Variants in TUBA4A observed in about 807,000 individuals in gnomAD.
TUBA4A encodes the protein tubulin alpha-4A chain.
A neutral mutation model predicts 34.3 loss-of-function variants in TUBA4A; 23 were observed. The ratio of observed to expected loss-of-function variants is 0.67; its 90% CI spans 0.48 to 0.95. TUBA4A has a LOEUF of 0.95. Among genes scored for constraint, TUBA4A ranks in the 40% least tolerant of loss-of-function variants. The probability of loss-of-function intolerance (pLI) is 0.00; values close to 1 mark genes in which losing one functional copy is unlikely to be tolerated. For missense variants in TUBA4A, 279 were observed against 599.0 expected, an observed-to-expected ratio of 0.47 and a Z score of 5.58; for synonymous variants, 216 against 230.5, an observed-to-expected ratio of 0.94 and a Z score of 0.57.
At chr2:219,253,352 C>G in intron 1 of TUBA4A, 4 of 1,524,652 alleles carry the variant, frequency 2.6e-6, no homozygotes, top group East Asian at 2.5e-5. Flanking sequence ...GGTGCTGAGT[C>G]ACGGGGGGGG....
At position 219,250,394 on chromosome 2, in the gene TUBA4A, C is replaced by T. The variant is rs1574883437; in HGVS notation, c.1305G>A (p.Val435=). The change falls in exon 4 of 4, where the codon GTG becomes GTA. Residue 435 remains valine, a synonymous_variant. Coordinates refer to ENST00000248437, the MANE Select transcript of TUBA4A (RefSeq NM_006000.3). This position sits in a 1 kb window ranked among gnomAD's most constrained non-coding sequence, Gnocchi z 8.4. The part of the protein sequence containing the change: ...MAALEKDYEE[V]GIDSYEDEDE... ...CCTCGTCCTCATAGGAGTCGATGCC[C>T]ACCTCCTCATAATCCTTCTCCAGGG... 3 of 1,613,946 alleles carry T rather than the reference C, an allele frequency of 1.9e-6. No homozygotes were observed. Among genetic ancestry groups the T allele is most frequent in the Non-Finnish European group, 2.5e-6 (3 of 1,179,934 alleles).
chr2:219,253,307 C>T (rs980650515), intron 1 of TUBA4A: 101 of 1,521,656 alleles, frequency 6.6e-5, no homozygotes, highest in Non-Finnish European at 8.5e-5. Flanking sequence ...GGAGGCCGAA[C>T]CCCGTTCCCA....
chr2:219,251,155 C>T lies in TUBA4A; in HGVS notation c.544G>A (p.Val182Ile), dbSNP rs1262823148. The T allele has an allele frequency of 6.2e-7, 1 of 1,614,002 alleles. No homozygotes were observed. Among genetic ancestry groups the T allele is most frequent in the African/African-American group, 1.3e-5 (1 of 74,892 alleles). ...YPAPQVSTAV[V>I]EPYNSILTTH... is the part of the protein sequence containing the mutation. ...GTCAGGATAGAGTTGTAGGGCTCGA[C>T]CACGGCTGTAGACACCTGGGGGGCT... The change falls in exon 4 of 4, where the codon GTC becomes ATC. Residue 182 changes from valine (V) to isoleucine (I), a missense_variant. By Grantham distance (29) the Val-to-Ile change is conservative. Coordinates refer to ENST00000248437, the MANE Select transcript of TUBA4A (RefSeq NM_006000.3). The surrounding 1 kb of genome is among the most constrained non-coding windows in gnomAD (Gnocchi z 6.1).
chr2:219,253,207 A>G (rs919233299), intron 1 of TUBA4A: 25 of 1,492,204 alleles, frequency 1.7e-5, no homozygotes, highest in African/African-American at 4.3e-5. Context: ...CCTCCCCCCA[A>G]CCTGGCCTCG....
In TUBA4A at chr2:219,253,748, G is replaced by A. The variant is rs886405630; in HGVS notation, c.3+108C>T. 1.1e-5 allele frequency: 15 copies of A among 1,367,416 alleles called. No homozygotes were observed. The Admixed American group carries it at 1.9e-4, about 17-fold the overall frequency. 84.7% of individuals were successfully genotyped at this position (1,367,416 alleles called of 1,614,324 possible). On this transcript the variant is annotated intron_variant, in intron 1 of 3. Transcript: ENST00000248437. ...GGATGCAAAACCCTCGCACCTCCTG[G>A]AGACCCGGAACGCCCGGTGGAGGTC...
chr2:219,253,343 G>T (rs1458897385), intron 1 of TUBA4A: 2 of 1,533,304 alleles, frequency 1.3e-6, no homozygotes, highest in African/African-American at 1.4e-5. Flanking sequence ...CAGACGCGGG[G>T]TGCTGAGTCA....
chr2:219,254,281 G>A (rs955203066), upstream of TUBA4A: 2 of 164,870 alleles, frequency 1.2e-5, no homozygotes, highest in African/African-American at 4.8e-5. Context: ...GGGAGCAGGC[G>A]AGGCGGTCCT....
chr2:219,253,594 G>A (rs1042130099), intron 1 of TUBA4A, among the ~76,000 whole-genome samples: 5 of 152,158 alleles, frequency 3.3e-5, no homozygotes, highest in African/African-American at 1.2e-4. Context: ...TCGTAAGGCA[G>A]GAGCAGAGTG....
At chr2:219,254,000 G>C (rs1404868119), upstream of TUBA4A, 7 of 851,410 alleles carry the variant, frequency 8.2e-6, no homozygotes, top group Admixed American at 1.9e-4. Flanking sequence ...GAGGCTGGGC[G>C]GCCCGCAGGC....
In TUBA4A at chr2:219,251,830, G is replaced by A. The variant is rs1228268907; in HGVS notation, c.227-117C>T. The A allele has an allele frequency of 6.3e-6, 9 of 1,439,552 alleles. No homozygotes were observed. The highest frequency in any genetic ancestry group is 6.6e-6 in the Non-Finnish European group (7 of 1,066,476). The allele number at this position is 1,439,552 out of a possible 1,614,324, so 89.2% of individuals were successfully genotyped here. A position where few individuals can be genotyped will look rare whatever the true frequency, so the allele number is the denominator to read the frequency against. Reference sequence around the variant, plus strand: ...TCCTGCCAGCCTGAGATACCAGAGTGTGAGAGAAACCCAGACCAGCTGCCC... The same window carrying A: ...TCCTGCCAGCCTGAGATACCAGAGTATGAGAGAAACCCAGACCAGCTGCCC... On this transcript the variant is annotated intron_variant, in intron 2 of 3. Transcript: ENST00000248437. This position sits in a 1 kb window ranked among gnomAD's most constrained non-coding sequence, Gnocchi z 6.1.
At chr2:219,253,177 C>T in intron 1 of TUBA4A, 2 of 1,514,296 alleles carry the variant, frequency 1.3e-6, no homozygotes. Context: ...AAATACCACC[C>T]CCTACATGCA....
In TUBA4A at chr2:219,251,272, C is replaced by G. The variant is rs770376188; in HGVS notation, c.427G>C (p.Gly143Arg). 1 of 1,613,892 alleles carries G rather than the reference C, an allele frequency of 6.2e-7. No individual in the cohort carries two copies. The highest frequency in any genetic ancestry group is 8.5e-7 in the Non-Finnish European group (1 of 1,179,864). The change falls in exon 4 of 4, where the codon GGG becomes CGG. Residue 143 changes from glycine to arginine, a missense_variant. Gly to Arg is a moderately radical substitution (Grantham distance 125, BLOSUM62 -2). Around this residue, in one of 3 missense-constraint regions of TUBA4A, gnomAD observed 108 missense variants for 299.9 expected, o/e 0.36. Coordinates refer to ENST00000248437, the MANE Select transcript of TUBA4A (RefSeq NM_006000.3). The surrounding 1 kb of genome is among the most constrained non-coding windows in gnomAD (Gnocchi z 6.1). ...QGFLVFHSFG[G>R]GTGSGFTSLL... ...GAGGTGAAGCCAGAGCCAGTGCCCC[C>G]ACCAAAGCTGTGGAACACCAGGAAG... is the stretch of plus-strand genomic sequence containing the variant.
Position 219,251,763 on chromosome 2 carries a change from C to A in TUBA4A, c.227-50G>T. Reference sequence around the variant, plus strand: ...TATGCTCAGCAGGGACCTTCCTCCCCCAGGGTGGTAGCTGTGGCCAGATGC... The same window carrying A: ...TATGCTCAGCAGGGACCTTCCTCCCACAGGGTGGTAGCTGTGGCCAGATGC... On this transcript the variant is annotated intron_variant, in intron 2 of 3. Coordinates refer to ENST00000248437, the MANE Select transcript of TUBA4A (RefSeq NM_006000.3). The surrounding 1 kb of genome is among the most constrained non-coding windows in gnomAD (Gnocchi z 6.1). 6.3e-7 allele frequency: 1 copy of A among 1,581,240 alleles called. No homozygotes were observed. Among genetic ancestry groups the A allele is most frequent in the African/African-American group, 1.3e-5 (1 of 74,442 alleles).
rs1307591760 is a variant in TUBA4A at position 219,252,016 on chromosome 2, G to A, written c.218C>T (p.Thr73Met). ...TCCCCACTTCCTCTCACCAATGACC[G>A]TAGGCTCCAGATCCACAAAAACTGC... ...PRAVFVDLEP[T>M]VIDEIRNGPY... Residue 73 changes from threonine (T) to methionine (M), a missense_variant, in exon 2 of 4, where the codon ACG (threonine) becomes ATG (methionine). Physicochemically the swap from Thr to Met is moderately conservative, Grantham distance 81 (BLOSUM62 -1). Around this residue, in one of 3 missense-constraint regions of TUBA4A, gnomAD observed 98 missense variants for 171.1 expected, o/e 0.57. Transcript: ENST00000248437. The surrounding 1 kb of genome is among the most constrained non-coding windows in gnomAD (Gnocchi z 4.1). 5 of 1,614,054 alleles carry A rather than the reference G, an allele frequency of 3.1e-6. No homozygotes were observed. The highest frequency in any genetic ancestry group is 4.2e-6 in the Non-Finnish European group (5 of 1,179,968).
rs1951657599 is a variant in TUBA4A at position 219,252,072 on chromosome 2, A to G, written c.162T>C (p.Cys54=). The G allele has an allele frequency of 6.2e-7, 1 of 1,613,956 alleles. No homozygotes were observed. Among genetic ancestry groups the G allele is most frequent in the Admixed American group, 1.7e-5 (1 of 59,994 alleles). The part of the protein sequence containing the change: ...GGDDSFTTFF[C]ETGAGKHVPR... The stretch of plus-strand genomic sequence containing the variant: ...GTACGTGTTTTCCAGCACCAGTTTC[A>G]CAGAAGAAGGTGGTGAAGGAGTCGT... The change falls in exon 2 of 4, where the codon TGT becomes TGC. Residue 54 remains cysteine (C), a synonymous_variant. Coordinates refer to ENST00000248437, the MANE Select transcript of TUBA4A (RefSeq NM_006000.3). The surrounding 1 kb of genome is among the most constrained non-coding windows in gnomAD (Gnocchi z 4.1).
At position 219,252,681 on chromosome 2, in the gene TUBA4A, T is replaced by C. The variant is rs564072888; in HGVS notation, c.4-451A>G. On this transcript the variant is annotated intron_variant, in intron 1 of 3. Transcript: ENST00000248437. The surrounding 1 kb of genome is among the most constrained non-coding windows in gnomAD (Gnocchi z 4.1). Reference sequence around the variant, plus strand: ...ATCAACTGACCACACGCCATCAGGATGCCCTCCTCCCTCACCTTTAAATCC... The same window carrying C: ...ATCAACTGACCACACGCCATCAGGACGCCCTCCTCCCTCACCTTTAAATCC... 69 of 438,582 alleles carry C rather than the reference T, an allele frequency of 1.6e-4. No individual in the cohort carries two copies. The highest frequency in any genetic ancestry group is 2.5e-4 in the Non-Finnish European group (52 of 205,476). 27.2% of individuals were successfully genotyped at this position (438,582 alleles called of 1,614,324 possible).
In TUBA4A at chr2:219,250,574, C is replaced by G; in HGVS notation, c.1125G>C (p.Val375=). ...TGGCGGTCGTGTTGCTCAGCATGCA[C>G]ACGGCACGCTGCACCTTGGCCAGGT... is the stretch of plus-strand genomic sequence containing the variant. ...GGDLAKVQRA[V]CMLSNTTAIA... is the part of the protein sequence containing the mutation. Residue 375 remains valine, a synonymous_variant, in exon 4 of 4, where the codon GTG becomes GTC. Transcript: ENST00000248437. The surrounding 1 kb of genome is among the most constrained non-coding windows in gnomAD (Gnocchi z 8.4). 6.2e-7 allele frequency: 1 copy of G among 1,614,232 alleles called. No individual in the cohort carries two copies. The highest frequency in any genetic ancestry group is 8.5e-7 in the Non-Finnish European group (1 of 1,180,046).
Position 219,250,341 on chromosome 2 carries a change from A to C in TUBA4A, c.*11T>G. The C allele has an allele frequency of 1.6e-5, 25 of 1,600,786 alleles. No homozygotes were observed. Among genetic ancestry groups the C allele is most frequent in the Non-Finnish European group, 2.1e-5 (25 of 1,171,228 alleles). ...GCAATAAACATAGTGAATAGGCTCCAGGCAGCTGCTTTATTCTTCTCCCTC... is the reference window on the plus strand; with the variant it reads ...GCAATAAACATAGTGAATAGGCTCCCGGCAGCTGCTTTATTCTTCTCCCTC... On this transcript the variant is annotated 3_prime_UTR_variant, in exon 4 of 4. Coordinates refer to ENST00000248437, the MANE Select transcript of TUBA4A (RefSeq NM_006000.3). The surrounding 1 kb of genome is among the most constrained non-coding windows in gnomAD (Gnocchi z 8.4).
Position 219,252,961 on chromosome 2 carries a change from C to G in TUBA4A, c.4-731G>C, listed in dbSNP as rs1490263557. On this transcript the variant is annotated intron_variant, in intron 1 of 3. Transcript: ENST00000248437. The surrounding 1 kb of genome is among the most constrained non-coding windows in gnomAD (Gnocchi z 4.1). ...TCCGGCAGGGCCCGCGCGCTCTTCC[C>G]ACACCGAAATGGCGGGGTGACGGTT... 1.0e-5 allele frequency: 5 copies of G among 501,088 alleles called. No individual in the cohort carries two copies. Among genetic ancestry groups the G allele is most frequent in the South Asian group, 7.7e-5 (5 of 64,916 alleles). 31.0% of individuals were successfully genotyped at this position (501,088 alleles called of 1,614,324 possible). A position where few individuals can be genotyped will look rare whatever the true frequency, so the allele number is the denominator to read the frequency against.
Sources: allele counts gnomAD v4.1 joint callset (sites outside exome capture counted in the v4.1 genomes callset), GRCh38; gene constraint gnomAD v4.1.1; regional missense constraint gnomAD v4.1.1; non-coding constraint Gnocchi (gnomAD v3.1); transcripts MANE v1.5; gene names NCBI Gene and HGNC (gene_info 2026-07-23, HGNC 2026-07-21).